FAM180B: variants seen among roughly 807,000 people sequenced by gnomAD.
The protein encoded by FAM180B is protein FAM180B.
In FAM180B, 14 loss-of-function variants were observed where a neutral mutation model predicts 13.6. The observed-to-expected ratio is 1.03, with a 90% CI of 0.68 to 1.60. The LOEUF (loss-of-function observed/expected upper bound fraction) is 1.60. Among genes scored for constraint, FAM180B ranks in the 40% most tolerant of loss-of-function variants. The probability of loss-of-function intolerance (pLI) is 0.00; values close to 1 mark genes in which losing one functional copy is unlikely to be tolerated. For missense variants in FAM180B, 212 were observed against 230.4 expected (o/e 0.92, Z 0.52); for synonymous variants, 109 against 97.0 (o/e 1.12, Z -0.72).
rs1360269825 is a variant in FAM180B, at chr11:47,588,487, A to AC, written c.*59dup. The AC allele has an allele frequency of 7.2e-6, 6 of 828,578 alleles. No individual in the cohort carries two copies. The highest frequency in any genetic ancestry group is 2.3e-4 in the Middle Eastern group (1 of 4,284). The allele number at this position is 828,578 out of a possible 1,614,324, so 51.3% of individuals were successfully genotyped here. ...ATTACCCCCTCCCATCTCCTCCTCA[A>AC]CCCCCCAGGCAGACCCATCTTGCGC... is the stretch of plus-strand genomic sequence containing the variant. On this transcript the variant is annotated 3_prime_UTR_variant, in exon 3 of 3. Transcript: ENST00000538490.
intron 1 of FAM180B, 120 bp from the exon 2 acceptor site, chr11:47,587,631 C>A (rs2097272327): frequency 3.1e-6 from 2 of 636,584 alleles, no homozygotes; most frequent in African/African-American, 1.8e-5. Flanking sequence ...GGCATTCCTG[C>A]CCTTTTGTAG....
At position 47,587,832 on chromosome 11, in the gene FAM180B, C is replaced by A; in HGVS notation, c.156+11C>A. On this transcript the variant is annotated intron_variant, in intron 2 of 2. Coordinates refer to ENST00000538490, the MANE Select transcript of FAM180B (RefSeq NM_001164379.3). ...GAAGTGATGTTTGAGGTCTTTCCTC[C>A]CAGCCTGGGACATGGGGGTGGGCAC... The A allele has an allele frequency of 6.5e-7, 1 of 1,528,846 alleles. No individual in the cohort carries two copies. The highest frequency in any genetic ancestry group is 8.8e-7 in the Non-Finnish European group (1 of 1,142,480). 94.7% of individuals were successfully genotyped at this position (1,528,846 alleles called of 1,614,324 possible).
chr11:47,587,003 C>G (rs966565553), intron 1 of FAM180B, 150 bp downstream of exon 1: 3 of 649,370 alleles, frequency 4.6e-6, no homozygotes, highest in Admixed American at 4.5e-5. Flanking sequence ...AGTGTGGGCC[C>G]CACCCCCAGA....
Position 47,587,828 on chromosome 11 carries a change from C to A in FAM180B, c.156+7C>A. 6.5e-7 allele frequency: 1 copy of A among 1,530,182 alleles called. No individual in the cohort carries two copies. The highest frequency in any genetic ancestry group is 8.7e-7 in the Non-Finnish European group (1 of 1,143,178). 94.8% of individuals were successfully genotyped at this position (1,530,182 alleles called of 1,614,324 possible). ...CCCGGAAGTGATGTTTGAGGTCTTT[C>A]CTCCCAGCCTGGGACATGGGGGTGG... On this transcript the variant is annotated splice_region_variant and intron_variant, in intron 2 of 2. Transcript: ENST00000538490.
rs1039529600 is a variant in FAM180B at position 47,589,057 on chromosome 11, A to G, written c.*623A>G. On this transcript the variant is annotated 3_prime_UTR_variant, in exon 3 of 3. Transcript: ENST00000538490. ...TTATCTCTTTTGGGGTAGGGAGGCA[A>G]TATCTCAACAAGCGTCGGGTGAATA... The G allele has an allele frequency of 5.3e-5, 8 of 152,216 alleles. No individual in the cohort carries two copies. The highest frequency in any genetic ancestry group is 1.9e-4 in the African/African-American group (8 of 41,502). The allele number at this position is 152,216 out of a possible 1,614,324, so 9.4% of individuals were successfully genotyped here.
At chr11:47,587,599 A>C (rs901286592) in intron 1 of FAM180B, among the ~76,000 whole-genome samples, 152 bp from the exon 2 acceptor site, 5 of 151,992 alleles carry the variant, frequency 3.3e-5, no homozygotes, top group African/African-American at 1.2e-4. Flanking sequence ...CGTGAGAGGG[A>C]GGGGAAAGGA....
chr11:47,588,074 G>C lies in FAM180B; in HGVS notation c.192G>C (p.Gly64=). 1.3e-6 allele frequency: 2 copies of C among 1,536,358 alleles called. No individual in the cohort carries two copies. The highest frequency in any genetic ancestry group is 1.7e-6 in the Non-Finnish European group (2 of 1,146,622). ...LWAGLELDVM[G]QLHIQDEELA... ...CTGGGCTGGAGCTGGATGTCATGGG[G>C]CAGCTGCACATCCAGGATGAGGAAC... The change falls in exon 3 of 3, where the codon GGG becomes GGC. Residue 64 remains glycine, a synonymous_variant. Coordinates refer to ENST00000538490, the MANE Select transcript of FAM180B (RefSeq NM_001164379.3).
chr11:47,587,170 CGGA>C (rs1046606192), intron 1 of FAM180B, among the ~76,000 whole-genome samples: 23 of 152,250 alleles, frequency 1.5e-4, no homozygotes, highest in African/African-American at 5.5e-4. Context: ...AGGTGTGGGC[CGGA>C]CGGAGCTGCC....
In FAM180B at chr11:47,588,423, C is replaced by A; in HGVS notation, c.541C>A (p.Pro181Thr). The A allele has an allele frequency of 6.7e-7, 1 of 1,494,524 alleles. No individual in the cohort carries two copies. The highest frequency in any genetic ancestry group is 8.9e-7 in the Non-Finnish European group (1 of 1,120,674). The allele number at this position is 1,494,524 out of a possible 1,614,324, so 92.6% of individuals were successfully genotyped here. ...GGGGTCCTGGGCCTCCATCCTTGACCCCTTCCCCTGACCCTCCTCTTTTGT... is the reference window on the plus strand; with the variant it reads ...GGGGTCCTGGGCCTCCATCCTTGACACCTTCCCCTGACCCTCCTCTTTTGT... ...SLGSWASILD[P>T]FP is the part of the protein sequence containing the mutation. The change falls in exon 3 of 3, where the codon CCC (proline) becomes ACC (threonine). Residue 181 changes from proline (P) to threonine (T), a missense_variant. Physicochemically the swap from Pro to Thr is conservative, Grantham distance 38. Coordinates refer to ENST00000538490, the MANE Select transcript of FAM180B (RefSeq NM_001164379.3).
In FAM180B at chr11:47,588,469, C is replaced by A; in HGVS notation, c.*35C>A. On this transcript the variant is annotated 3_prime_UTR_variant, in exon 3 of 3. Transcript: ENST00000538490. ...TTTGTTCTTTCACCTGCCATTACCC[C>A]CTCCCATCTCCTCCTCAACCCCCCA... is the stretch of plus-strand genomic sequence containing the variant. The A allele has an allele frequency of 5.3e-6, 6 of 1,123,630 alleles. No individual in the cohort carries two copies. The highest frequency in any genetic ancestry group is 1.6e-5 in the South Asian group (1 of 63,320). 69.6% of individuals were successfully genotyped at this position (1,123,630 alleles called of 1,614,324 possible).
rs1255942046 is a variant in FAM180B, at chr11:47,588,547, G to A, written c.*113G>A. 4 of 608,594 alleles carry A rather than the reference G, an allele frequency of 6.6e-6. No homozygotes were observed. The highest frequency in any genetic ancestry group is 3.0e-5 in the Admixed American group (1 of 33,468). The allele number at this position is 608,594 out of a possible 1,614,324, so 37.7% of individuals were successfully genotyped here. A position where few individuals can be genotyped will look rare whatever the true frequency, so the allele number is the denominator to read the frequency against. On this transcript the variant is annotated 3_prime_UTR_variant, in exon 3 of 3. Coordinates refer to ENST00000538490, the MANE Select transcript of FAM180B (RefSeq NM_001164379.3). ...TGTCTGGCATCTGATTCTTTTCACC[G>A]TGTTCAGATCTCTGGGCTTGGCTTG... is the stretch of plus-strand genomic sequence containing the variant.
At chr11:47,586,874 TG>T in intron 1 of FAM180B, 21 bp downstream of exon 1, 2 of 1,505,162 alleles carry the variant, frequency 1.3e-6, no homozygotes, top group Non-Finnish European at 1.8e-6. Context: ...TCAGGGTGGG[TG>T]GAGAGGAGCC....
At position 47,587,739 on chromosome 11, in the gene FAM180B, C is replaced by T. The variant is rs758300997; in HGVS notation, c.86-12C>T. 19 of 1,505,966 alleles carry T rather than the reference C, an allele frequency of 1.3e-5. No individual in the cohort carries two copies. In the South Asian group the frequency reaches 1.4e-4, roughly 11 times the overall value. The allele number at this position is 1,505,966 out of a possible 1,614,324, so 93.3% of individuals were successfully genotyped here. ...AGCATGGCAGGGGCCTGACTCCTCT[C>T]TGCTGCCCCAGGGCAGCCCATGGAC... On this transcript the variant is annotated splice_polypyrimidine_tract_variant and intron_variant, in intron 1 of 2. Coordinates refer to ENST00000538490, the MANE Select transcript of FAM180B (RefSeq NM_001164379.3).
chr11:47,588,731 T>A lies in FAM180B; in HGVS notation c.*297T>A, dbSNP rs979140747. 1.4e-3 allele frequency: 368 copies of A among 266,236 alleles called. 10 individuals are homozygous for A. Among genetic ancestry groups the A allele is most frequent in the South Asian group, 1.8e-3 (23 of 12,646 alleles). The allele number at this position is 266,236 out of a possible 1,614,324, so 16.5% of individuals were successfully genotyped here. A position where few individuals can be genotyped will look rare whatever the true frequency, so the allele number is the denominator to read the frequency against. ...CAGTGTGTGTGTGAGTGTGTGTGTG[T>A]GTGTGTGTGTGTGTGTGTGTGTGTG... On this transcript the variant is annotated 3_prime_UTR_variant, in exon 3 of 3. Transcript: ENST00000538490.
Position 47,588,257 on chromosome 11 carries a change from C to G in FAM180B, c.375C>G (p.Gly125=), listed in dbSNP as rs776998281. 7.7e-5 allele frequency: 119 copies of G among 1,537,102 alleles called. No homozygotes were observed. In the East Asian group the frequency reaches 2.8e-3, roughly 37 times the overall value. The change falls in exon 3 of 3, where the codon GGC becomes GGG. Residue 125 remains glycine (G), a synonymous_variant. Coordinates refer to ENST00000538490, the MANE Select transcript of FAM180B (RefSeq NM_001164379.3). ...TWDFEHLLLT[G]LSCVYRLHAA... is the part of the protein sequence containing the mutation. ...ACTTTGAACATCTGCTCCTCACAGGCCTGTCCTGCGTCTACCGGCTCCACG... is the reference window on the plus strand; with the variant it reads ...ACTTTGAACATCTGCTCCTCACAGGGCTGTCCTGCGTCTACCGGCTCCACG...
Position 47,588,477 on chromosome 11 carries a change from C to T in FAM180B, c.*43C>T. The T allele has an allele frequency of 9.3e-7, 1 of 1,070,964 alleles. No individual in the cohort carries two copies. The highest frequency in any genetic ancestry group is 1.3e-6 in the Non-Finnish European group (1 of 756,724). The allele number at this position is 1,070,964 out of a possible 1,614,324, so 66.3% of individuals were successfully genotyped here. A position where few individuals can be genotyped will look rare whatever the true frequency, so the allele number is the denominator to read the frequency against. On this transcript the variant is annotated 3_prime_UTR_variant, in exon 3 of 3. Coordinates refer to ENST00000538490, the MANE Select transcript of FAM180B (RefSeq NM_001164379.3). ...TTCACCTGCCATTACCCCCTCCCAT[C>T]TCCTCCTCAACCCCCCAGGCAGACC...
Position 47,588,888 on chromosome 11 carries a change from C to T in FAM180B, c.*454C>T, listed in dbSNP as rs1291354472. On this transcript the variant is annotated 3_prime_UTR_variant, in exon 3 of 3. Transcript: ENST00000538490. ...CAGGTCCTGTGGAATTCACAGGAAT[C>T]CTCTAGGTGCTGAGCATCCCCTTTT... 6.6e-6 allele frequency: 1 copy of T among 152,646 alleles called. No individual in the cohort carries two copies. The highest frequency in any genetic ancestry group is 1.5e-5 in the Non-Finnish European group (1 of 68,468). The allele number at this position is 152,646 out of a possible 1,614,324, so 9.5% of individuals were successfully genotyped here.
At position 47,588,730 on chromosome 11, in the gene FAM180B, G is replaced by GTGTGTGTA; in HGVS notation, c.*303_*304insATGTGTGT. 7.4e-6 allele frequency: 2 copies of GTGTGTGTA among 271,686 alleles called. No individual in the cohort carries two copies. The highest frequency in any genetic ancestry group is 6.9e-6 in the Non-Finnish European group (1 of 144,120). The allele number at this position is 271,686 out of a possible 1,614,324, so 16.8% of individuals were successfully genotyped here. The stretch of plus-strand genomic sequence containing the variant: ...GCAGTGTGTGTGTGAGTGTGTGTGT[G>GTGTGTGTA]TGTGTGTGTGTGTGTGTGTGTGTGT... On this transcript the variant is annotated 3_prime_UTR_variant, in exon 3 of 3. Coordinates refer to ENST00000538490, the MANE Select transcript of FAM180B (RefSeq NM_001164379.3).
intron 1 of FAM180B, among the ~76,000 whole-genome samples, 195 bp downstream of exon 1, chr11:47,587,048 C>A (rs2097271962): frequency 6.6e-6 from 1 of 152,112 alleles, no homozygotes; most frequent in African/African-American, 2.4e-5. Context: ...AGGGAGATAG[C>A]CCTAGGTGCT....
Sources: allele counts gnomAD v4.1 joint callset (sites outside exome capture counted in the v4.1 genomes callset), GRCh38; gene constraint gnomAD v4.1.1; transcripts MANE v1.5; gene names NCBI Gene and HGNC (gene_info 2026-07-23, HGNC 2026-07-21).